TEKT4: variants seen among roughly 807,000 people sequenced by gnomAD.
TEKT4 encodes tektin 4.
Under a neutral mutation model 46.0 loss-of-function variants are expected in TEKT4, and 46 were observed. The observed-to-expected ratio is 1.00, with a 90% CI of 0.79 to 1.28. The LOEUF is 1.28. TEKT4 is among the 50% of genes most tolerant of loss of function. TEKT4 has a pLI of 0.00. For synonymous variants in TEKT4, 325 were observed against 265.8 expected (o/e 1.22, Z -2.17); for missense variants, 790 against 622.9 (o/e 1.27, Z -2.85).
chr2:94,875,944 G>A (rs1272649300), intron 5 of TEKT4, among the ~76,000 whole-genome samples: 1 of 152,200 alleles, frequency 6.6e-6, no homozygotes, highest in African/African-American at 2.4e-5. Context: ...TCATGGGTCG[G>A]GGGGCTCCCA....
chr2:94,874,822 T>C lies in TEKT4; in HGVS notation c.760T>C (p.Cys254Arg), dbSNP rs1553395839. The part of the protein sequence containing the change: ...TRAKFTQDNL[C>R]RAQRERLASA... The stretch of plus-strand genomic sequence containing the variant: ...GGCCAAGTTCACGCAGGACAATCTG[T>C]GCCGTGCCCAGCGCGAGCGCCTGGC... The change falls in exon 4 of 6, where the codon TGC becomes CGC. Residue 254 changes from cysteine to arginine, a missense_variant. By Grantham distance (180) the Cys-to-Arg change is radical. Coordinates refer to ENST00000295201, the MANE Select transcript of TEKT4 (RefSeq NM_144705.4). 3 of 1,603,968 alleles carry C rather than the reference T, an allele frequency of 1.9e-6. No individual in the cohort carries two copies. The South Asian group carries it at 3.4e-5, about 18-fold the overall frequency.
Position 94,874,983 on chromosome 2 carries a change from T to C in TEKT4, c.921T>C (p.His307=). The C allele has an allele frequency of 6.2e-7, 1 of 1,606,396 alleles. No homozygotes were observed. Among genetic ancestry groups the C allele is most frequent in the Admixed American group, 1.7e-5 (1 of 59,562 alleles). ...EELEDARYKL[H]HHLHKTLREI... ...TGGAGGACGCGCGGTACAAGCTGCATCACCACCTGCACAAGGTGGGGCACC... is the reference window on the plus strand; with the variant it reads ...TGGAGGACGCGCGGTACAAGCTGCACCACCACCTGCACAAGGTGGGGCACC... Residue 307 remains histidine (H), a synonymous_variant, in exon 4 of 6, where the codon CAT becomes CAC. Transcript: ENST00000295201.
rs1240547302 is a variant in TEKT4, at chr2:94,873,523, G to A, written c.502G>A (p.Ala168Thr). Residue 168 changes from alanine (A) to threonine (T), a missense_variant, in exon 2 of 6, where the codon GCC (alanine) becomes ACC (threonine). By Grantham distance (58) the Ala-to-Thr change is moderately conservative (BLOSUM62 0). Coordinates refer to ENST00000295201, the MANE Select transcript of TEKT4 (RefSeq NM_144705.4). Reference protein sequence around the residue: ...DHVETELLKEAELIRNIQELL... With the variant: ...DHVETELLKETELIRNIQELL... ...CTCAGGGCGTCTCCTCCCTCAGGAA[G>A]CCGAGCTCATCCGGAACATTCAGGA... The A allele has an allele frequency of 2.5e-6, 4 of 1,612,150 alleles. No individual in the cohort carries two copies. Among genetic ancestry groups the A allele is most frequent in the East Asian group, 2.2e-5 (1 of 44,888 alleles).
At chr2:94,874,692 C>G in intron 3 of TEKT4, 84 bp from the exon 4 acceptor site, 3 of 1,254,814 alleles carry the variant, frequency 2.4e-6, no homozygotes, top group Non-Finnish European at 3.2e-6. Flanking sequence ...GCATGGGGCG[C>G]GGACAGGGCA....
rs1174307361 is a variant in TEKT4 at position 94,872,836 on chromosome 2, C to G, written c.499-684C>G. 1.5e-5 allele frequency: 19 copies of G among 1,289,328 alleles called. No individual in the cohort carries two copies. The African/African-American group carries it at 2.7e-4, about 19-fold the overall frequency. The allele number at this position is 1,289,328 out of a possible 1,614,324, so 79.9% of individuals were successfully genotyped here. ...CTGCAGGCCCTTCCCCCTGCACTCT[C>G]TCAGTGCCTCAAGAACTCCTGCAGC... On this transcript the variant is annotated intron_variant, in intron 1 of 5. Transcript: ENST00000295201.
Position 94,871,763 on chromosome 2 carries a change from T to C in TEKT4, c.184T>C (p.Ser62Pro). 1 of 1,612,346 alleles carries C rather than the reference T, an allele frequency of 6.2e-7. No individual in the cohort carries two copies. Among genetic ancestry groups the C allele is most frequent in the Middle Eastern group, 1.7e-4 (1 of 5,954 alleles). Residue 62 changes from serine (S) to proline (P), a missense_variant, in exon 1 of 6, where the codon TCG becomes CCG. By Grantham distance (74) the Ser-to-Pro change is moderately conservative. Coordinates refer to ENST00000295201, the MANE Select transcript of TEKT4 (RefSeq NM_144705.4). ...YHQAFADRDQ[S>P]ERQRHESQQL... Reference sequence around the variant, plus strand: ...CCAGGCCTTCGCCGACCGCGACCAGTCGGAGCGGCAGCGGCACGAGAGCCA... The same window carrying C: ...CCAGGCCTTCGCCGACCGCGACCAGCCGGAGCGGCAGCGGCACGAGAGCCA...
chr2:94,873,145 C>T (rs1553395184), intron 1 of TEKT4: 26 of 1,226,168 alleles, frequency 2.1e-5, no homozygotes, highest in Middle Eastern at 3.5e-4. Flanking sequence ...GCAGCCTGGG[C>T]GGGCATCTGG....
intron 1 of TEKT4, 60 bp downstream of exon 1, chr2:94,872,137 C>CCG: frequency 6.8e-7 from 1 of 1,468,184 alleles, no homozygotes; most frequent in Middle Eastern, 2.4e-4. Flanking sequence ...CCCCCCCCCC[C>CCG]GCAGTTCATG....
chr2:94,872,065 G>T lies in TEKT4; in HGVS notation c.486G>T (p.Thr162=). 1 of 1,545,226 alleles carries T rather than the reference G, an allele frequency of 6.5e-7. No homozygotes were observed. Among genetic ancestry groups the T allele is most frequent in the Non-Finnish European group, 8.7e-7 (1 of 1,145,346 alleles). ...ACCTCGTGCGCGACCATGTGGAAACGGAGCTGCTGAAGGTGCCAGCACCCT... is the reference window on the plus strand; with the variant it reads ...ACCTCGTGCGCGACCATGTGGAAACTGAGCTGCTGAAGGTGCCAGCACCCT... The part of the protein sequence containing the change: ...HPNLVRDHVE[T]ELLKEAELIR... Residue 162 remains threonine, a synonymous_variant, in exon 1 of 6, where the codon ACG becomes ACT. Transcript: ENST00000295201.
At chr2:94,874,448 G>A (rs1420271884) in intron 3 of TEKT4, among the ~76,000 whole-genome samples, 1 of 151,982 alleles carries the variant, frequency 6.6e-6, no homozygotes, top group African/African-American at 2.4e-5. Context: ...GCGGGCGCTG[G>A]GTACTAGGGA....
rs782463850 is a variant in TEKT4, at chr2:94,871,898, C to A, written c.319C>A (p.Arg107Ser). 24 of 1,597,596 alleles carry A rather than the reference C, an allele frequency of 1.5e-5. No homozygotes were observed. The Admixed American group carries it at 4.1e-4, about 27-fold the overall frequency. Reference sequence around the variant, plus strand: ...GCACAGCTGGAAGTCGGAGCTGCAGCGTGAGATGGAGGCGCTGGCTGCGGA... The same window carrying A: ...GCACAGCTGGAAGTCGGAGCTGCAGAGTGAGATGGAGGCGCTGGCTGCGGA... ...DTHSWKSELQ[R>S]EMEALAAETN... The change falls in exon 1 of 6, where the codon CGT (arginine) becomes AGT (serine). Residue 107 changes from arginine (R) to serine (S), a missense_variant. Physicochemically the swap from Arg to Ser is moderately radical, Grantham distance 110. Transcript: ENST00000295201.
rs1257769025 is a variant in TEKT4 at position 94,873,583 on chromosome 2, C to A, written c.562C>A (p.Gln188Lys). The A allele has an allele frequency of 1.9e-6, 3 of 1,613,338 alleles. No individual in the cohort carries two copies. The African/African-American group carries it at 4.0e-5, about 22-fold the overall frequency. The change falls in exon 2 of 6, where the codon CAG becomes AAG. Residue 188 changes from glutamine (Q) to lysine (K), a missense_variant. By Grantham distance (53) the Gln-to-Lys change is moderately conservative. Transcript: ENST00000295201. ...LKRTIMQAVS[Q>K]IRLNREHKET... ...GAGAACCATCATGCAAGCAGTGAGC[C>A]AGATCCGGTGGGTAGAGGGCTGCCC...
rs1337571208 is a variant in TEKT4, at chr2:94,876,664, G to A, written c.1203G>A (p.Glu401=). 6 of 1,613,358 alleles carry A rather than the reference G, an allele frequency of 3.7e-6. No homozygotes were observed. The Admixed American group carries it at 5.0e-5, about 13-fold the overall frequency. The part of the protein sequence containing the change: ...RNLEDIHMSL[E]KDIAAMTNSL... ...TCGAGGACATCCACATGAGCCTGGA[G>A]AAGGACATTGCCGCCATGACCAACA... Residue 401 remains glutamate (E), a synonymous_variant, in exon 6 of 6, where the codon GAG becomes GAA. Transcript: ENST00000295201.
At chr2:94,875,037 C>A in intron 4 of TEKT4, 39 bp downstream of exon 4, 2 of 1,539,826 alleles carry the variant, frequency 1.3e-6, no homozygotes, top group Non-Finnish European at 1.8e-6. Context: ...CCCCTCTCAT[C>A]ACCTGGCCTG....
intron 1 of TEKT4, chr2:94,872,948 G>A (rs1553395108): frequency 1.6e-6 from 2 of 1,289,352 alleles, no homozygotes; most frequent in South Asian, 2.5e-5. Flanking sequence ...CAGGGATAGA[G>A]GGGCGCAGGA....
In TEKT4 at chr2:94,874,086, T is replaced by C. The variant is rs199573327; in HGVS notation, c.691T>C (p.Tyr231His). The C allele has an allele frequency of 6.2e-7, 1 of 1,613,512 alleles. No homozygotes were observed. Among genetic ancestry groups the C allele is most frequent in the East Asian group, 2.2e-5 (1 of 44,860 alleles). The change falls in exon 3 of 6, where the codon TAC (tyrosine) becomes CAC (histidine). Residue 231 changes from tyrosine (Y) to histidine (H), a missense_variant. Physicochemically the swap from Tyr to His is moderately conservative, Grantham distance 83 (BLOSUM62 2). Transcript: ENST00000295201. Reference sequence around the variant, plus strand: ...GAGCACCGAGGTGCAGGCTCATCCGTACTCCACCACCTTCCAAGAGAGGTG... The same window carrying C: ...GAGCACCGAGGTGCAGGCTCATCCGCACTCCACCACCTTCCAAGAGAGGTG... ...SQSTEVQAHP[Y>H]STTFQESAST...
Position 94,875,014 on chromosome 2 carries a change from C to A in TEKT4, c.936+16C>A, listed in dbSNP as rs377087068. ...CCTGCACAAGGTGGGGCACCCTGAA[C>A]CCCGAAGACGGCCCCCTCTCATCAC... On this transcript the variant is annotated intron_variant, in intron 4 of 5. Transcript: ENST00000295201. 6.4e-7 allele frequency: 1 copy of A among 1,574,284 alleles called. No individual in the cohort carries two copies. Among genetic ancestry groups the A allele is most frequent in the Non-Finnish European group, 8.6e-7 (1 of 1,160,114 alleles).
rs142277128 is a variant in TEKT4, at chr2:94,875,627, G to A, written c.976G>A (p.Ala326Thr). 107 of 1,614,158 alleles carry A rather than the reference G, an allele frequency of 6.6e-5. 1 individual carries two copies. The Admixed American group carries it at 1.7e-3, about 26-fold the overall frequency. The change falls in exon 5 of 6, where the codon GCA becomes ACA. Residue 326 changes from alanine (A) to threonine (T), a missense_variant. Transcript: ENST00000295201. ...EITDQEHNVA[A>T]LKQAIKDKEA... ...CACAGATCAGGAACACAACGTGGCG[G>A]CACTGAAGCAGGCCATCAAGGACAA...
chr2:94,874,501 G>A (rs1308071911), intron 3 of TEKT4, among the ~76,000 whole-genome samples: 7 of 151,830 alleles, frequency 4.6e-5, no homozygotes, highest in East Asian at 3.9e-4. Context: ...GGGGGCCTCC[G>A]GGGCAGCGGT....
Sources: allele counts gnomAD v4.1 joint callset (sites outside exome capture counted in the v4.1 genomes callset), GRCh38; gene constraint gnomAD v4.1.1; transcripts MANE v1.5; gene names NCBI Gene and HGNC (gene_info 2026-07-23, HGNC 2026-07-21).